Variants in ADAMTS12 observed in about 807,000 individuals in gnomAD.
The protein encoded by ADAMTS12 is ADAM metallopeptidase with thrombospondin type 1 motif 12, also known as A disintegrin and metalloproteinase with thrombospondin motifs 12.
ADAMTS12 carries 118 observed loss-of-function variants against 167.8 expected under a neutral mutation model. The ratio of observed to expected loss-of-function variants is 0.70; its 90% CI spans 0.61 to 0.82. ADAMTS12 has a LOEUF of 0.82. Ranked by LOEUF, ADAMTS12 falls within the 40% of genes least tolerant of loss-of-function variation. ADAMTS12 has a pLI of 0.00. For synonymous variants in ADAMTS12, 704 were observed against 716.9 expected (o/e 0.98, Z 0.29); for missense variants, 1,916 against 1,998.8 (o/e 0.96, Z 0.79).
intron 2 of ADAMTS12, among the ~76,000 whole-genome samples, chr5:33,848,042 C>T (rs1579988316): frequency 6.6e-6 from 1 of 150,748 alleles, no homozygotes; most frequent in Non-Finnish European, 1.5e-5. Context: ...TGGTGAAACC[C>T]CATCTCTACT....
chr5:33,832,942 T>TTTAAA (rs33967032), intron 2 of ADAMTS12, among the ~76,000 whole-genome samples: 2,565 of 118,804 alleles, frequency 0.022, 79 homozygotes, highest in African/African-American at 0.1. Context: ...TTCCTCTATC[T>TTTAAA]TTAACTTTTT....
intron 3 of ADAMTS12, among the ~76,000 whole-genome samples, chr5:33,689,910 G>A (rs1451992495): frequency 6.6e-6 from 1 of 152,232 alleles, no homozygotes; most frequent in Non-Finnish European, 1.5e-5. Flanking sequence ...GGGGTCATGG[G>A]GTGTGGTGGG....
intron 2 of ADAMTS12, among the ~76,000 whole-genome samples, chr5:33,858,487 TCTCTACAAAA>T (rs1749488374): frequency 6.6e-6 from 1 of 151,734 alleles, no homozygotes; most frequent in South Asian, 2.1e-4. Flanking sequence ...TGAGACCCAA[TCTCTACAAAA>T]GATTTTAAAA....
At chr5:33,698,015 A>G (rs895863181) in intron 3 of ADAMTS12, among the ~76,000 whole-genome samples, 1 of 152,252 alleles carries the variant, frequency 6.6e-6, no homozygotes, top group African/African-American at 2.4e-5. Flanking sequence ...CTTACTTCTT[A>G]GGGTGGTAAG....
chr5:33,625,278 GA>G (rs1384425545), intron 13 of ADAMTS12, among the ~76,000 whole-genome samples: 6 of 150,958 alleles, frequency 4.0e-5, no homozygotes, highest in African/African-American at 9.8e-5. Context: ...CTAGTAGGGG[GA>G]AAAAAATTAA....
intron 3 of ADAMTS12, among the ~76,000 whole-genome samples, chr5:33,741,398 A>AT (rs1293449009): frequency 2.0e-5 from 3 of 152,254 alleles, no homozygotes; most frequent in African/African-American, 7.2e-5. Context: ...GCTTGCGTCC[A>AT]GATTTCTTCT....
At position 33,881,309 on chromosome 5, in the gene ADAMTS12, T is replaced by C; in HGVS notation, c.299A>G (p.Lys100Arg). ...GACCGTCAAGTTAAAAAACAGGTCC[T>C]TCTCCTCGTGAGAAATTCTGTAGTA... ...WVYYRISHEE[K>R]DLFFNLTVNQ... Residue 100 changes from lysine (K) to arginine (R), a missense_variant, in exon 2 of 24, where the codon AAG becomes AGG. Coordinates refer to ENST00000504830, the MANE Select transcript of ADAMTS12 (RefSeq NM_030955.4). 6.2e-7 allele frequency: 1 copy of C among 1,614,206 alleles called. No individual in the cohort carries two copies. Among genetic ancestry groups the C allele is most frequent in the Non-Finnish European group, 8.5e-7 (1 of 1,180,032 alleles).
chr5:33,801,876 C>A (rs72741464), intron 2 of ADAMTS12, among the ~76,000 whole-genome samples: 21,144 of 152,230 alleles, frequency 0.14, 1,706 homozygotes, highest in East Asian at 0.18. Flanking sequence ...TAAAGTGGAG[C>A]TTTCAGTGGA....
Position 33,817,915 on chromosome 5 carries a change from G to T in ADAMTS12, c.489+63204C>A, listed in dbSNP as rs144967111. On this transcript the variant is annotated intron_variant, in intron 2 of 23. Coordinates refer to ENST00000504830, the MANE Select transcript of ADAMTS12 (RefSeq NM_030955.4). The stretch of plus-strand genomic sequence containing the variant: ...TAGTAGAATATAGAGATACTTAAAA[G>T]ATCCTTTTCATATAAATAGAGCATT... Among the ~76,000 whole-genome samples, 803 of 152,152 alleles carry T rather than the reference G, an allele frequency of 5.3e-3. 4 individuals are homozygous for T. Among genetic ancestry groups the T allele is most frequent in the African/African-American group, 0.018 (759 of 41,516 alleles).
chr5:33,544,832 C>G (rs1393455796), intron 22 of ADAMTS12, among the ~76,000 whole-genome samples: 1 of 152,146 alleles, frequency 6.6e-6, no homozygotes, highest in Non-Finnish European at 1.5e-5. Context: ...AAACTGGATC[C>G]CTTCCTTACA....
intron 3 of ADAMTS12, among the ~76,000 whole-genome samples, chr5:33,737,299 C>T (rs1463223111): frequency 1.3e-5 from 2 of 152,170 alleles, no homozygotes; most frequent in Non-Finnish European, 2.9e-5. Flanking sequence ...TTCCCCTTCC[C>T]TAATTAAGTT....
Position 33,643,447 on chromosome 5 carries a change from G to A in ADAMTS12, c.1503C>T (p.Cys501=). The change falls in exon 10 of 24, where the codon TGC becomes TGT. Residue 501 remains cysteine (C), a synonymous_variant. Coordinates refer to ENST00000504830, the MANE Select transcript of ADAMTS12 (RefSeq NM_030955.4). ...TAGAGCGACAAAAGCCCTTCACGGA[G>A]CACCACAGTGTCTGGCAGACGTTCT... ...EVENVCQTLW[C]SVKGFCRSKL... 2 of 1,614,098 alleles carry A rather than the reference G, an allele frequency of 1.2e-6. No homozygotes were observed. The highest frequency in any genetic ancestry group is 1.7e-5 in the Admixed American group (1 of 60,028).
chr5:33,871,489 A>T (rs532210214), intron 2 of ADAMTS12, among the ~76,000 whole-genome samples: 1 of 152,282 alleles, frequency 6.6e-6, no homozygotes, highest in South Asian at 2.1e-4. Context: ...AGTGATATAT[A>T]AAAAGAATTG....
intron 2 of ADAMTS12, among the ~76,000 whole-genome samples, chr5:33,845,069 A>C (rs1748894271): frequency 6.6e-6 from 1 of 152,142 alleles, no homozygotes. Flanking sequence ...TAAACCCATA[A>C]TTTTCCATAC....
intron 2 of ADAMTS12, among the ~76,000 whole-genome samples, chr5:33,842,146 C>G (rs1748768012): frequency 6.6e-6 from 1 of 152,138 alleles, no homozygotes; most frequent in Non-Finnish European, 1.5e-5. Context: ...TATGACTTTA[C>G]TTTGTTAAGA....
At chr5:33,689,034 C>G (rs921780551) in intron 3 of ADAMTS12, among the ~76,000 whole-genome samples, 1 of 152,202 alleles carries the variant, frequency 6.6e-6, no homozygotes, top group East Asian at 1.9e-4. Flanking sequence ...ACTGTCCCAC[C>G]TTTCTGTCAC....
chr5:33,663,181 A>G (rs1452156635), intron 5 of ADAMTS12, among the ~76,000 whole-genome samples: 5 of 152,260 alleles, frequency 3.3e-5, no homozygotes, highest in African/African-American at 1.2e-4. Flanking sequence ...CTCAGCATAA[A>G]GAATTTAGAT....
intron 2 of ADAMTS12, among the ~76,000 whole-genome samples, chr5:33,867,678 A>C (rs1749877049): frequency 6.6e-6 from 1 of 152,158 alleles, no homozygotes; most frequent in Non-Finnish European, 1.5e-5. Flanking sequence ...TTAAACAAAA[A>C]TTATGCAATG....
At chr5:33,886,929 A>G (rs1423437854) in intron 1 of ADAMTS12, among the ~76,000 whole-genome samples, 2 of 152,138 alleles carry the variant, frequency 1.3e-5, no homozygotes, top group Non-Finnish European at 2.9e-5. Context: ...TGCTTGACAA[A>G]TAACATTCAT....
Sources: allele counts gnomAD v4.1 joint callset (sites outside exome capture counted in the v4.1 genomes callset), GRCh38; gene constraint gnomAD v4.1.1; transcripts MANE v1.5; gene names NCBI Gene and HGNC (gene_info 2026-07-23, HGNC 2026-07-21).